Variants in NTM observed in about 807,000 individuals in gnomAD.
NTM encodes IgLON family member 2.
NTM carries 13 observed loss-of-function variants against 42.1 expected under a neutral mutation model. That is an observed-to-expected ratio of 0.31 (90% confidence interval 0.20 to 0.49). The LOEUF is 0.49. Among genes scored for constraint, NTM ranks in the 20% least tolerant of loss-of-function variants. NTM has a pLI of 0.99. For missense variants in NTM, 373 were observed against 452.8 expected, an observed-to-expected ratio of 0.82 and a Z score of 1.60; for synonymous variants, 187 against 179.2, an observed-to-expected ratio of 1.04 and a Z score of -0.35.
chr11:131,678,680 CTT>C (rs1166410056), intron 1 of NTM, among the ~76,000 whole-genome samples: 1 of 152,228 alleles, frequency 6.6e-6, no homozygotes, highest in Non-Finnish European at 1.5e-5. Context: ...TCTCCCATCT[CTT>C]TCTTTGGCAA....
At chr11:132,217,386 G>GTGTGTGTGTA (rs1555319497) in intron 4 of NTM, among the ~76,000 whole-genome samples, 1 of 150,386 alleles carries the variant, frequency 6.6e-6, no homozygotes, top group Non-Finnish European at 1.5e-5. Flanking sequence ...GTGTGTGTGT[G>GTGTGTGTGTA]TGTGTATGTG....
At chr11:131,522,047 G>A (rs1391261094) in intron 1 of NTM, among the ~76,000 whole-genome samples, 1 of 152,162 alleles carries the variant, frequency 6.6e-6, no homozygotes, top group Non-Finnish European at 1.5e-5. Context: ...GCAGATATAT[G>A]AAAAGACTAC....
intron 4 of NTM, among the ~76,000 whole-genome samples, chr11:132,260,784 T>A (rs1288454840): frequency 1.3e-5 from 2 of 152,174 alleles, no homozygotes; most frequent in African/African-American, 2.4e-5. Context: ...ACAGCTGAAT[T>A]ATCCGGTGTT....
chr11:132,292,230 A>G (rs1021933263), intron 4 of NTM, among the ~76,000 whole-genome samples: 12 of 152,360 alleles, frequency 7.9e-5, no homozygotes, highest in African/African-American at 2.9e-4. Flanking sequence ...ACTGTAAAGT[A>G]TGAATAGAAG....
chr11:131,433,243 T>G (rs1368044833), intron 1 of NTM, among the ~76,000 whole-genome samples: 2 of 152,230 alleles, frequency 1.3e-5, no homozygotes, highest in Non-Finnish European at 2.9e-5. Context: ...TTGAATCAAT[T>G]GTCAGTATTC....
intron 1 of NTM, among the ~76,000 whole-genome samples, chr11:131,400,201 CG>C (rs1457377263): frequency 1.3e-5 from 2 of 152,064 alleles, no homozygotes; most frequent in East Asian, 3.9e-4. Flanking sequence ...ATAGACAGGA[CG>C]TCACCTGTCC....
intron 2 of NTM, among the ~76,000 whole-genome samples, chr11:132,008,030 C>A (rs1410770924): frequency 6.6e-6 from 1 of 152,082 alleles, no homozygotes; most frequent in Non-Finnish European, 1.5e-5. Context: ...TAGAATAAGC[C>A]TTATACTGTA....
chr11:132,171,923 T>C lies in NTM; in HGVS notation c.400+25409T>C, dbSNP rs551311107. Among the ~76,000 whole-genome samples, 163 of 152,356 alleles carry C rather than the reference T, an allele frequency of 1.1e-3. 1 individual carries two copies. Among genetic ancestry groups the C allele is most frequent in the African/African-American group, 3.8e-3 (158 of 41,590 alleles). On this transcript the variant is annotated intron_variant, in intron 3 of 8. Transcript: ENST00000683400. The stretch of plus-strand genomic sequence containing the variant: ...CATGCTTCTTTCTGCAAATCTCCTA[T>C]GGTGGTCTCTTCAATCTCTTACTTG...
intron 1 of NTM, among the ~76,000 whole-genome samples, chr11:131,601,504 C>T (rs955379097): frequency 6.6e-6 from 1 of 152,046 alleles, no homozygotes; most frequent in African/African-American, 2.4e-5. Flanking sequence ...AATGAAATCT[C>T]ATTTGGACGC....
At chr11:132,007,830 G>C (rs1370293071) in intron 2 of NTM, among the ~76,000 whole-genome samples, 1 of 152,064 alleles carries the variant, frequency 6.6e-6, no homozygotes, top group African/African-American at 2.4e-5. Context: ...CCTTTGTCCT[G>C]GGGGACAAAG....
At chr11:131,432,880 G>A (rs1312523123) in intron 1 of NTM, among the ~76,000 whole-genome samples, 1 of 75,206 alleles carries the variant, frequency 1.3e-5, no homozygotes, top group African/African-American at 5.5e-5. Context: ...TTGAGACGGA[G>A]TCTCACTCTG....
At chr11:131,650,035 G>A (rs1490905062) in intron 1 of NTM, among the ~76,000 whole-genome samples, 1 of 152,180 alleles carries the variant, frequency 6.6e-6, no homozygotes, top group Non-Finnish European at 1.5e-5. Context: ...GAAGCAGGAA[G>A]CTTAGGCATC....
intron 4 of NTM, among the ~76,000 whole-genome samples, chr11:132,240,634 C>T (rs1481748717): frequency 6.6e-6 from 1 of 152,194 alleles, no homozygotes; most frequent in Non-Finnish European, 1.5e-5. Flanking sequence ...CAGAAAAATG[C>T]CATCCTGTTG....
At chr11:132,133,099 AAG>A (rs1222996605) in intron 2 of NTM, among the ~76,000 whole-genome samples, 2 of 152,224 alleles carry the variant, frequency 1.3e-5, no homozygotes, top group African/African-American at 4.8e-5. Flanking sequence ...TTATGAAAGA[AAG>A]AGCTGCACAG....
intron 1 of NTM, among the ~76,000 whole-genome samples, chr11:131,491,423 C>A (rs1954777728): frequency 7.2e-6 from 1 of 139,676 alleles, no homozygotes; most frequent in East Asian, 1.9e-4. Flanking sequence ...ATATTTTAGC[C>A]TTTAAAAAAT....
At chr11:131,559,271 A>G (rs888271020) in intron 1 of NTM, among the ~76,000 whole-genome samples, 1 of 152,240 alleles carries the variant, frequency 6.6e-6, no homozygotes, top group African/African-American at 2.4e-5. Context: ...CTCTTTAGTA[A>G]AACATATGGC....
At chr11:132,152,313 A>C (rs1302448259) in intron 3 of NTM, among the ~76,000 whole-genome samples, 1 of 152,192 alleles carries the variant, frequency 6.6e-6, no homozygotes, top group African/African-American at 2.4e-5. Flanking sequence ...GGTAGAGGAA[A>C]ACATCATGAT....
At chr11:131,753,695 G>T (rs1362173063) in intron 1 of NTM, among the ~76,000 whole-genome samples, 1 of 151,500 alleles carries the variant, frequency 6.6e-6, no homozygotes, top group Non-Finnish European at 1.5e-5. Flanking sequence ...TGAACAATGA[G>T]AACACATGGA....
chr11:131,396,676 A>C (rs1944595712), intron 1 of NTM, among the ~76,000 whole-genome samples: 2 of 152,018 alleles, frequency 1.3e-5, no homozygotes, highest in East Asian at 3.9e-4. Context: ...TCCACTAAAA[A>C]CACAAAAATT....
Sources: gnomAD v4.1 joint callset for allele counts (sites outside exome capture counted in the v4.1 genomes callset) on GRCh38, gnomAD v4.1.1 for gene constraint, MANE v1.5 for transcripts, NCBI Gene and HGNC (gene_info 2026-07-23, HGNC 2026-07-21) for gene names.